KCTD1: variants seen among roughly 807,000 people sequenced by gnomAD.
The protein encoded by KCTD1 is BTB/POZ domain-containing protein KCTD1.
In KCTD1, 24 loss-of-function variants were observed where a neutral mutation model predicts 66.0. That is an observed-to-expected ratio of 0.36 (90% CI 0.26 to 0.51). The LOEUF is 0.51. KCTD1 is among the 20% of genes least tolerant of loss of function. The pLI, the probability that KCTD1 is intolerant of heterozygous loss-of-function variation, is 0.95. For missense variants in KCTD1, 943 were observed against 1,205.2 expected, an observed-to-expected ratio of 0.78 and a Z score of 3.22; for synonymous variants, 511 against 517.2, an observed-to-expected ratio of 0.99 and a Z score of 0.16.
upstream of KCTD1, among the ~76,000 whole-genome samples, chr18:26,644,432 G>A (rs1279721393): frequency 6.6e-6 from 1 of 152,066 alleles, no homozygotes; most frequent in Non-Finnish European, 1.5e-5. Context: ...AGGAGGGAGA[G>A]TTGACAAGGA....
chr18:26,547,509 C>G lies in KCTD1; in HGVS notation c.1028G>C (p.Arg343Pro). ...SFGLAMDEDG[R>P]KFVYFKSLGP... ...GAGGGACTTGAAGTAGACGAACTTG[C>G]GACCGTCCTCGTCCATGGCCAGCCC... Residue 343 changes from arginine to proline, a missense_variant, in exon 1 of 5, where the codon CGC (arginine) becomes CCC (proline). By Grantham distance (103) the Arg-to-Pro change is moderately radical. Coordinates refer to ENST00000580059, the MANE Select transcript of KCTD1 (RefSeq NM_001142730.3). The G allele has an allele frequency of 6.4e-7, 1 of 1,551,528 alleles. No individual in the cohort carries two copies. Among genetic ancestry groups the G allele is most frequent in the Non-Finnish European group, 8.7e-7 (1 of 1,146,990 alleles).
intron 1 of KCTD1, among the ~76,000 whole-genome samples, chr18:26,619,257 T>C (rs1387239432): frequency 2.0e-5 from 3 of 152,222 alleles, no homozygotes; most frequent in Non-Finnish European, 2.9e-5. Context: ...TGCTACAGTG[T>C]GTCTTAAATG....
chr18:26,602,219 TG>T (rs1986915086), intron 1 of KCTD1, among the ~76,000 whole-genome samples: 2 of 152,250 alleles, frequency 1.3e-5, no homozygotes, highest in Non-Finnish European at 2.9e-5. Flanking sequence ...CTGTGTCAAT[TG>T]AGATTTTTGT....
intron 1 of KCTD1, among the ~76,000 whole-genome samples, chr18:26,567,321 C>A (rs1986003442): frequency 6.6e-6 from 1 of 152,166 alleles, no homozygotes; most frequent in Non-Finnish European, 1.5e-5. Context: ...TATTTACATA[C>A]AAACTGTGTA....
rs150988676 is a variant in KCTD1 at position 26,606,143 on chromosome 18, T to C, written c.-16+23004A>G. ...ATAGAAAGAAATGTCTGGGTTAAGA[T>C]AAGGGGTTGTGGAGACCAAGGTTTT... On this transcript the variant is annotated intron_variant, in intron 1 of 4. Coordinates refer to the KCTD1 transcript ENST00000317932. 7.3e-3 allele frequency among the ~76,000 whole-genome samples: 1,109 copies of C among 152,306 alleles called. 7 individuals are homozygous for C. The highest frequency in any genetic ancestry group is 0.011 in the Non-Finnish European group (758 of 68,016).
chr18:26,550,565 GACACACACACACACACACACAC>G (rs60922405), upstream of KCTD1, among the ~76,000 whole-genome samples: 5 of 140,582 alleles, frequency 3.6e-5, no homozygotes, highest in Middle Eastern at 3.8e-3. This position sits in a 1 kb window ranked among gnomAD's most constrained non-coding sequence, Gnocchi z 5.4. Context: ...AAGACACACA[GACACACACACACACACACACAC>G]ACACACACAC....
intron 1 of KCTD1, among the ~76,000 whole-genome samples, chr18:26,597,628 A>G (rs1357956362): frequency 6.6e-6 from 1 of 151,530 alleles, no homozygotes; most frequent in Non-Finnish European, 1.5e-5. Context: ...CAGCAGTAGC[A>G]ATGAACACAC....
At chr18:26,571,241 TG>T (rs1171544345) in intron 1 of KCTD1, among the ~76,000 whole-genome samples, 1 of 152,172 alleles carries the variant, frequency 6.6e-6, no homozygotes, top group Non-Finnish European at 1.5e-5. Flanking sequence ...TACAAGTTAT[TG>T]AATGAACGAA....
At chr18:26,530,917 G>A (rs552070288) in intron 1 of KCTD1, among the ~76,000 whole-genome samples, 1 of 152,270 alleles carries the variant, frequency 6.6e-6, no homozygotes, top group African/African-American at 2.4e-5. Context: ...GGCAAAGAGG[G>A]CAAAGATGAT....
chr18:26,529,850 G>C (rs1984352651), intron 1 of KCTD1, among the ~76,000 whole-genome samples: 2 of 152,214 alleles, frequency 1.3e-5, no homozygotes, highest in South Asian at 4.1e-4. Flanking sequence ...AGTAAAACAG[G>C]ATTAGTGACA....
chr18:26,592,108 A>G (rs542048359), intron 1 of KCTD1, among the ~76,000 whole-genome samples: 10 of 152,354 alleles, frequency 6.6e-5, no homozygotes, highest in African/African-American at 2.2e-4. Context: ...CATGTGTAAT[A>G]AAGGCTCATA....
At chr18:26,611,051 G>GCT (rs1169593849) in intron 1 of KCTD1, among the ~76,000 whole-genome samples, 2 of 151,626 alleles carry the variant, frequency 1.3e-5, no homozygotes, top group East Asian at 3.9e-4. Flanking sequence ...TTTCTATCTG[G>GCT]CTCTCTCTCT....
chr18:26,624,480 C>A (rs552810844), intron 1 of KCTD1, among the ~76,000 whole-genome samples: 2 of 152,350 alleles, frequency 1.3e-5, no homozygotes, highest in South Asian at 4.1e-4. Context: ...TAAAAGGAGC[C>A]AAGGCAAAAC....
exon 1 of KCTD1, chr18:26,629,229 T>G: frequency 1.0e-6 from 1 of 985,314 alleles, no homozygotes; most frequent in South Asian, 4.7e-5. Flanking sequence ...AAAAAGCTAG[T>G]GACGGGAGCT....
chr18:26,610,475 G>T (rs1185291381), intron 1 of KCTD1, among the ~76,000 whole-genome samples: 1 of 152,132 alleles, frequency 6.6e-6, no homozygotes, highest in Non-Finnish European at 1.5e-5. Flanking sequence ...CTACTTGGGA[G>T]GGTGATGCAG....
At chr18:26,480,976 G>A (rs1981617750) in intron 2 of KCTD1, among the ~76,000 whole-genome samples, 2 of 152,162 alleles carry the variant, frequency 1.3e-5, no homozygotes, top group South Asian at 2.1e-4. Context: ...TTGGCTTAGC[G>A]TGAATCATTC....
At chr18:26,628,602 T>G (rs1485489959) in intron 1 of KCTD1, among the ~76,000 whole-genome samples, 1 of 152,214 alleles carries the variant, frequency 6.6e-6, no homozygotes, top group Non-Finnish European at 1.5e-5. Flanking sequence ...GAGTGATTTC[T>G]TAAGTGGTGA....
In KCTD1 at chr18:26,468,297, C is replaced by T. The variant is rs1320842936; in HGVS notation, c.2133+8218G>A. Among the ~76,000 whole-genome samples, 29 of 152,172 alleles carry T rather than the reference C, an allele frequency of 1.9e-4. No homozygotes were observed. The highest frequency in any genetic ancestry group is 1.9e-3 in the Admixed American group (29 of 15,272). ...AGATCTCAACAGCTTTCCATGGAAG[C>T]CAGGACAGGAGCAACTGCCACTTAA... On this transcript the variant is annotated intron_variant, in intron 3 of 4. Transcript: ENST00000580059. The surrounding 1 kb of genome is among the most constrained non-coding windows in gnomAD (Gnocchi z 4.8).
chr18:26,496,740 G>GCACACA lies in KCTD1; in HGVS notation c.1988+4326_1988+4331dup, dbSNP rs111233653. Among the ~76,000 whole-genome samples the GCACACA allele has an allele frequency of 5.2e-3, 772 of 148,176 alleles. 3 individuals carry two copies. The highest frequency in any genetic ancestry group is 0.015 in the African/African-American group (610 of 40,320). ...GTTTACAAGCTAAAAAAAAGCATGT[G>GCACACA]CACACACACACACACACACACACAC... is the stretch of plus-strand genomic sequence containing the variant. On this transcript the variant is annotated intron_variant, in intron 2 of 4. Coordinates refer to ENST00000580059, the MANE Select transcript of KCTD1 (RefSeq NM_001142730.3).
Sources: gnomAD v4.1 joint callset for allele counts (sites outside exome capture counted in the v4.1 genomes callset) on GRCh38, gnomAD v4.1.1 for gene constraint, Gnocchi (gnomAD v3.1) non-coding constraint, MANE v1.5 for transcripts, NCBI Gene and HGNC (gene_info 2026-07-23, HGNC 2026-07-21) for gene names.